The following SORBS2 variants were observed in gnomAD, a reference collection of about 807,000 sequenced individuals.
SORBS2 encodes the protein sorbin and SH3 domain containing 2.
In SORBS2, 46 loss-of-function variants were observed where a neutral mutation model predicts 97.7. The observed-to-expected ratio is 0.47, with a 90% CI of 0.37 to 0.60. SORBS2 has a LOEUF of 0.60. SORBS2 is among the 20% of genes least tolerant of loss of function. The pLI, the probability that SORBS2 is intolerant of heterozygous loss-of-function variation, is 0.00. For synonymous variants in SORBS2, 476 were observed against 473.4 expected, an observed-to-expected ratio of 1.01 and a Z score of -0.07; for missense variants, 1,316 against 1,282.3, an observed-to-expected ratio of 1.03 and a Z score of -0.40.
chr4:185,835,052 G>T (rs1468787984), intron 1 of SORBS2, among the ~76,000 whole-genome samples: 6 of 152,152 alleles, frequency 3.9e-5, no homozygotes, highest in African/African-American at 1.4e-4. Context: ...ATTTAAAAGT[G>T]TGCGGCAGCT....
intron 1 of SORBS2, among the ~76,000 whole-genome samples, chr4:185,788,704 G>A (rs2099067332): frequency 1.3e-5 from 2 of 152,266 alleles, no homozygotes; most frequent in African/African-American, 4.8e-5. Context: ...CTCAATTCAA[G>A]CCACCCTTCT....
At chr4:185,861,467 A>G (rs2648124) in intron 1 of SORBS2, among the ~76,000 whole-genome samples, 146,323 of 152,120 alleles carry the variant, frequency 0.96, 70,422 homozygotes, top group East Asian at 1. Context: ...GACAGGAAGG[A>G]TTCAAATGAT....
chr4:185,613,562 C>G (rs1342495235), intron 11 of SORBS2, among the ~76,000 whole-genome samples: 1 of 146,518 alleles, frequency 6.8e-6, no homozygotes, highest in Non-Finnish European at 1.5e-5. Context: ...GTGGGAGAAT[C>G]GCTTGAACCT....
chr4:185,853,252 G>T (rs1295792385), intron 1 of SORBS2, among the ~76,000 whole-genome samples: 1 of 152,124 alleles, frequency 6.6e-6, no homozygotes, highest in Non-Finnish European at 1.5e-5. Context: ...TTATTTTATG[G>T]ATGAAACATC....
chr4:185,865,315 C>G (rs2149722286), intron 1 of SORBS2, among the ~76,000 whole-genome samples: 1 of 152,312 alleles, frequency 6.6e-6, no homozygotes, highest in Non-Finnish European at 1.5e-5. Flanking sequence ...TTCAGGGACT[C>G]CACTGTGGCT....
intron 4 of SORBS2, among the ~76,000 whole-genome samples, chr4:185,671,294 C>G: frequency 6.6e-6 from 1 of 152,178 alleles, no homozygotes; most frequent in East Asian, 1.9e-4. Flanking sequence ...CTGTGGTATT[C>G]AGATCGGGAA....
intron 2 of SORBS2, among the ~76,000 whole-genome samples, chr4:185,683,944 G>C (rs558239807): frequency 6.6e-6 from 1 of 152,138 alleles, no homozygotes; most frequent in African/African-American, 2.4e-5. Context: ...TCTCACTTCT[G>C]CTGTAAGACC....
intron 1 of SORBS2, among the ~76,000 whole-genome samples, chr4:185,833,961 A>T (rs2153674238): frequency 6.6e-6 from 1 of 152,334 alleles, no homozygotes; most frequent in Middle Eastern, 3.4e-3. Flanking sequence ...TATGCTCCAC[A>T]AAGAGTTCTA....
intron 1 of SORBS2, among the ~76,000 whole-genome samples, chr4:185,926,576 T>C (rs2099263835): frequency 6.6e-6 from 1 of 151,752 alleles, no homozygotes; most frequent in African/African-American, 2.4e-5. Flanking sequence ...AATGGCAATG[T>C]AGAATTCTAT....
At chr4:185,758,105 A>G (rs536222411) in intron 2 of SORBS2, among the ~76,000 whole-genome samples, 3 of 152,354 alleles carry the variant, frequency 2.0e-5, no homozygotes, top group African/African-American at 7.2e-5. Flanking sequence ...GACACAGTTA[A>G]TGAGGCTGGT....
intron 1 of SORBS2, among the ~76,000 whole-genome samples, chr4:185,923,715 C>T (rs1033226614): frequency 3.3e-5 from 5 of 152,090 alleles, no homozygotes; most frequent in African/African-American, 1.2e-4. Flanking sequence ...CTACCCCCTA[C>T]ATTTGTAAAT....
intron 1 of SORBS2, among the ~76,000 whole-genome samples, chr4:185,890,020 G>C (rs1029984018): frequency 3.9e-5 from 6 of 152,122 alleles, no homozygotes; most frequent in Non-Finnish European, 8.8e-5. Context: ...CCAAGTAGCT[G>C]GGATTACAGG....
At chr4:185,800,688 C>T (rs2099126059) in intron 1 of SORBS2, among the ~76,000 whole-genome samples, 1 of 152,164 alleles carries the variant, frequency 6.6e-6, no homozygotes, top group Non-Finnish European at 1.5e-5. Flanking sequence ...TTCCTGCTGT[C>T]TTAGCTGGGC....
intron 1 of SORBS2, among the ~76,000 whole-genome samples, chr4:185,780,410 T>C (rs906656944): frequency 2.0e-5 from 3 of 152,294 alleles, no homozygotes; most frequent in South Asian, 4.1e-4. Flanking sequence ...TCTGGGCACG[T>C]AGCAAGCATC....
intron 1 of SORBS2, among the ~76,000 whole-genome samples, chr4:185,841,538 C>T (rs2099211532): frequency 6.6e-6 from 1 of 152,092 alleles, no homozygotes; most frequent in South Asian, 2.1e-4. Context: ...TAGGTTCCTC[C>T]CATGGAGGTC....
chr4:185,596,876 C>T (rs1045667217), intron 12 of SORBS2, among the ~76,000 whole-genome samples: 1 of 152,092 alleles, frequency 6.6e-6, no homozygotes, highest in African/African-American at 2.4e-5. Flanking sequence ...CTTTTCCCTT[C>T]CTTCATATCT....
At chr4:185,796,134 G>C (rs2153652726) in intron 1 of SORBS2, among the ~76,000 whole-genome samples, 1 of 152,194 alleles carries the variant, frequency 6.6e-6, no homozygotes, top group Middle Eastern at 3.4e-3. Flanking sequence ...TCAAACTACT[G>C]GGCTCAAGTA....
intron 1 of SORBS2, among the ~76,000 whole-genome samples, chr4:185,928,599 G>A (rs1427923895): frequency 6.6e-6 from 1 of 152,072 alleles, no homozygotes; most frequent in African/African-American, 2.4e-5. Context: ...AGGCTGGAGT[G>A]CAGTGGCGCG....
chr4:185,659,493 T>C (rs1281941140), upstream of SORBS2, among the ~76,000 whole-genome samples: 16 of 152,068 alleles, frequency 1.1e-4, no homozygotes, highest in Admixed American at 1.0e-3. Flanking sequence ...CTCGGCTCAC[T>C]GCAAGCTCCA....
Sources: allele counts gnomAD v4.1 joint callset (sites outside exome capture counted in the v4.1 genomes callset), GRCh38; gene constraint gnomAD v4.1.1; transcripts MANE v1.5; gene names NCBI Gene and HGNC (gene_info 2026-07-23, HGNC 2026-07-21).